Variants in TMEM132D observed in about 807,000 individuals in gnomAD.
TMEM132D encodes the protein transmembrane protein 132D.
A neutral mutation model predicts 62.3 loss-of-function variants in TMEM132D; 21 were observed. The observed-to-expected ratio is 0.34, with a 90% CI of 0.24 to 0.49. The LOEUF (loss-of-function observed/expected upper bound fraction) is 0.49. Among genes scored for constraint, TMEM132D ranks in the 20% least tolerant of loss-of-function variants. The pLI, the probability that TMEM132D is intolerant of heterozygous loss-of-function variation, is 0.99. For missense variants in TMEM132D, 1,346 were observed against 1,402.8 expected (o/e 0.96, Z 0.65); for synonymous variants, 621 against 575.6 (o/e 1.08, Z -1.13).
intron 3 of TMEM132D, among the ~76,000 whole-genome samples, chr12:129,475,990 A>C (rs1874245632): frequency 6.6e-6 from 1 of 152,192 alleles, no homozygotes; most frequent in Non-Finnish European, 1.5e-5. Context: ...ATGCTCACGT[A>C]TTTGTAAGCG....
intron 1 of TMEM132D, among the ~76,000 whole-genome samples, chr12:129,818,284 G>A (rs951611783): frequency 5.5e-5 from 8 of 146,520 alleles, no homozygotes; most frequent in Non-Finnish European, 7.5e-5. Flanking sequence ...GTGTGTGTGC[G>A]GTGTGGGGTG....
intron 5 of TMEM132D, chr12:129,111,351 C>A (rs1026174988): frequency 2.0e-5 from 3 of 152,186 alleles, no homozygotes; most frequent in Admixed American, 6.6e-5. Context: ...GGATTTCTGG[C>A]CTCTGAAACT....
At chr12:129,444,618 C>G (rs2135723072) in intron 3 of TMEM132D, among the ~76,000 whole-genome samples, 1 of 152,254 alleles carries the variant, frequency 6.6e-6, no homozygotes, top group African/African-American at 2.4e-5. Flanking sequence ...CCCCTCCCCA[C>G]CCTCCTCTGA....
Position 129,492,931 on chromosome 12 carries a change from C to T in TMEM132D, c.1115+38128G>A, listed in dbSNP as rs148065898. Reference sequence around the variant, plus strand: ...CTGGGATGGCTGCTAAACAGCTAATCCCCCTTTTCCTGAAATGACTAGATG... The same window carrying T: ...CTGGGATGGCTGCTAAACAGCTAATTCCCCTTTTCCTGAAATGACTAGATG... On this transcript the variant is annotated intron_variant, in intron 3 of 8. Transcript: ENST00000422113. Among the ~76,000 whole-genome samples, 298 of 152,196 alleles carry T rather than the reference C, an allele frequency of 2.0e-3. 2 individuals carry two copies. The highest frequency in any genetic ancestry group is 7.0e-3 in the African/African-American group (289 of 41,528).
At chr12:129,565,847 C>T (rs1419125873) in intron 2 of TMEM132D, among the ~76,000 whole-genome samples, 1 of 152,214 alleles carries the variant, frequency 6.6e-6, no homozygotes, top group Non-Finnish European at 1.5e-5. Flanking sequence ...CAAGGACCCA[C>T]ACTTCCCAGT....
At chr12:129,096,222 C>G (rs936834348) in intron 5 of TMEM132D, among the ~76,000 whole-genome samples, 1 of 152,184 alleles carries the variant, frequency 6.6e-6, no homozygotes, top group Non-Finnish European at 1.5e-5. Flanking sequence ...AAAGTTCACA[C>G]AGCTAGGATG....
chr12:129,809,089 C>T (rs1185706726), intron 1 of TMEM132D, among the ~76,000 whole-genome samples: 1 of 152,112 alleles, frequency 6.6e-6, no homozygotes, highest in Non-Finnish European at 1.5e-5. Context: ...GGGTGGATCA[C>T]CTGAGGTCAG....
At chr12:129,386,629 A>G (rs563370713) in intron 3 of TMEM132D, among the ~76,000 whole-genome samples, 1 of 151,682 alleles carries the variant, frequency 6.6e-6, no homozygotes, top group African/African-American at 2.4e-5. Context: ...CAATGCTAAC[A>G]GTATCACTAG....
At chr12:129,330,038 C>T (rs1223224545) in intron 4 of TMEM132D, among the ~76,000 whole-genome samples, 1 of 151,994 alleles carries the variant, frequency 6.6e-6, no homozygotes, top group Admixed American at 6.6e-5. Context: ...AAATTTTCTA[C>T]CGAATCACAG....
rs1463390958 is a variant in TMEM132D at position 129,613,787 on chromosome 12, CCAGAACCCAGAGGACTGTCTG to C, written c.969-82603_969-82583del. Among the ~76,000 whole-genome samples the C allele has an allele frequency of 2.2e-3, 303 of 139,216 alleles. 11 individuals carry two copies. In the South Asian group the frequency reaches 0.074, roughly 34 times the overall value. The allele number at this position is 139,216 out of a possible 152,430, so 91.3% of individuals were successfully genotyped here. On this transcript the variant is annotated intron_variant, in intron 2 of 8. Transcript: ENST00000422113. ...GTCTCCAGAACCAAGGTGACTGTCT[CCAGAACCCAGAGGACTGTCTG>C]CAGAACCCAGGGGACTGTCTGCAGA...
intron 3 of TMEM132D, among the ~76,000 whole-genome samples, chr12:129,515,093 C>T (rs1175156963): frequency 1.3e-5 from 2 of 152,148 alleles, no homozygotes; most frequent in East Asian, 1.9e-4. Context: ...AGCATATTTC[C>T]AATCAATATT....
intron 1 of TMEM132D, among the ~76,000 whole-genome samples, chr12:129,713,393 T>C (rs1285657531): frequency 6.8e-6 from 1 of 147,636 alleles, no homozygotes; most frequent in Non-Finnish European, 1.5e-5. Flanking sequence ...CTCAGATTTT[T>C]GGTTTTTTGT....
chr12:129,126,811 C>T (rs540475581), intron 5 of TMEM132D, among the ~76,000 whole-genome samples: 7 of 152,136 alleles, frequency 4.6e-5, no homozygotes, highest in Non-Finnish European at 8.8e-5. Flanking sequence ...AACTTTCCTC[C>T]TTGTTATTAG....
intron 5 of TMEM132D, among the ~76,000 whole-genome samples, chr12:129,112,571 G>C (rs1338714141): frequency 6.6e-6 from 1 of 152,204 alleles, no homozygotes; most frequent in Non-Finnish European, 1.5e-5. Context: ...GCTGAGGCAG[G>C]AGAATCACTT....
intron 3 of TMEM132D, among the ~76,000 whole-genome samples, chr12:129,378,316 T>G (rs972500941): frequency 1.3e-5 from 2 of 152,198 alleles, no homozygotes; most frequent in African/African-American, 4.8e-5. Context: ...AACGTGGATA[T>G]TCCAACGTTG....
At chr12:129,715,385 G>A (rs1458128312) in intron 1 of TMEM132D, among the ~76,000 whole-genome samples, 4 of 152,212 alleles carry the variant, frequency 2.6e-5, no homozygotes, top group Non-Finnish European at 5.9e-5. Context: ...ATCGTTTCAC[G>A]GGTGGTTCAG....
intron 2 of TMEM132D, among the ~76,000 whole-genome samples, chr12:129,613,429 C>T (rs749346040): frequency 1.3e-4 from 20 of 152,170 alleles, no homozygotes; most frequent in East Asian, 3.9e-4. Context: ...CTCAACAGGG[C>T]GTCTTCCCCA....
At chr12:129,089,964 A>G (rs1402903193) in intron 5 of TMEM132D, among the ~76,000 whole-genome samples, 1 of 152,220 alleles carries the variant, frequency 6.6e-6, no homozygotes, top group Non-Finnish European at 1.5e-5. Flanking sequence ...TTTAGCACTT[A>G]AAGGGGTGTG....
chr12:129,758,819 A>T (rs4759600), intron 1 of TMEM132D, among the ~76,000 whole-genome samples: 49,716 of 152,116 alleles, frequency 0.33, 9,506 homozygotes, highest in Middle Eastern at 0.44. Flanking sequence ...GAAATACTGT[A>T]TAATGTCCTA....
Sources: allele counts gnomAD v4.1 joint callset (sites outside exome capture counted in the v4.1 genomes callset), GRCh38; gene constraint gnomAD v4.1.1; transcripts MANE v1.5; gene names NCBI Gene and HGNC (gene_info 2026-07-23, HGNC 2026-07-21).